The following ADGRL3 variants were observed in gnomAD, a reference collection of about 807,000 sequenced individuals.
The protein encoded by ADGRL3 is calcium-independent alpha-latrotoxin receptor 3.
Under a neutral mutation model 153.5 loss-of-function variants are expected in ADGRL3, and 62 were observed. The observed-to-expected ratio is 0.40, with a 90% CI of 0.33 to 0.50. ADGRL3 has a LOEUF of 0.50. Among genes scored for constraint, ADGRL3 ranks in the 20% least tolerant of loss-of-function variants. The probability of loss-of-function intolerance (pLI) is 0.47; values close to 1 mark genes in which losing one functional copy is unlikely to be tolerated. For missense variants in ADGRL3, 1,641 were observed against 1,859.4 expected (o/e 0.88, Z 2.16); for synonymous variants, 710 against 672.5 (o/e 1.06, Z -0.86).
chr4:61,365,709 A>G (rs563838230), intron 1 of ADGRL3, among the ~76,000 whole-genome samples: 207 of 152,370 alleles, frequency 1.4e-3, no homozygotes, highest in Non-Finnish European at 2.6e-3. Context: ...TGCCTAAAGC[A>G]TATAGCACTG....
chr4:61,665,727 G>A (rs2094770687), intron 5 of ADGRL3, among the ~76,000 whole-genome samples: 1 of 152,188 alleles, frequency 6.6e-6, no homozygotes, highest in East Asian at 1.9e-4. Flanking sequence ...GAATAGAAAT[G>A]CCATCACATT....
intron 21 of ADGRL3, among the ~76,000 whole-genome samples, chr4:62,020,982 A>G (rs760913629): frequency 5.3e-5 from 8 of 152,126 alleles, no homozygotes; most frequent in Non-Finnish European, 7.4e-5. Flanking sequence ...GCTACTTTAT[A>G]TAAACTGAGG....
intron 4 of ADGRL3, among the ~76,000 whole-genome samples, chr4:61,526,557 C>T (rs865824940): frequency 2.6e-5 from 4 of 151,916 alleles, no homozygotes; most frequent in Non-Finnish European, 5.9e-5. Context: ...AAGGGAAGAA[C>T]ACTTGAGGCC....
chr4:61,379,712 A>G (rs772005356), intron 1 of ADGRL3, among the ~76,000 whole-genome samples: 1 of 151,996 alleles, frequency 6.6e-6, no homozygotes, highest in Non-Finnish European at 1.5e-5. Flanking sequence ...AAAATAACAT[A>G]TTTTCCATCT....
chr4:61,362,717 G>A (rs533839930), intron 1 of ADGRL3, among the ~76,000 whole-genome samples: 1 of 152,072 alleles, frequency 6.6e-6, no homozygotes, highest in Non-Finnish European at 1.5e-5. Flanking sequence ...GAGTAGGGCT[G>A]TTCTTACTGT....
chr4:61,774,732 CTATTT>C (rs1322543164), intron 8 of ADGRL3, among the ~76,000 whole-genome samples: 1 of 151,980 alleles, frequency 6.6e-6, no homozygotes, highest in African/African-American at 2.4e-5. Flanking sequence ...TATAATTGTT[CTATTT>C]TATTATAAAT....
intron 3 of ADGRL3, among the ~76,000 whole-genome samples, chr4:61,504,141 C>T (rs543747592): frequency 6.6e-5 from 10 of 152,148 alleles, no homozygotes; most frequent in African/African-American, 1.9e-4. Context: ...CACAGGCATG[C>T]GCCACCACAC....
intron 2 of ADGRL3, among the ~76,000 whole-genome samples, chr4:61,406,382 G>A (rs775844626): frequency 1.2e-4 from 18 of 151,848 alleles, no homozygotes; most frequent in South Asian, 2.1e-4. Flanking sequence ...CATAATTAAT[G>A]AGGGAGTACA....
Position 61,956,317 on chromosome 4 carries a change from G to A in ADGRL3, c.2805+8041G>A, listed in dbSNP as rs2221790. Among the ~76,000 whole-genome samples the A allele has an allele frequency of 3.9e-5, 6 of 151,922 alleles. No homozygotes were observed. The East Asian group carries it at 1.2e-3, about 29-fold the overall frequency. On this transcript the variant is annotated intron_variant, in intron 17 of 26. Coordinates refer to ENST00000683033, the MANE Select transcript of ADGRL3 (RefSeq NM_001387552.1). ...ATGTTGAACTTTTTTTCCTATGTTT[G>A]TTGGCTGCGTAAATGTCGTCTTTGG...
chr4:61,738,142 T>C (rs753749005), intron 8 of ADGRL3, among the ~76,000 whole-genome samples: 7 of 152,138 alleles, frequency 4.6e-5, no homozygotes, highest in Non-Finnish European at 8.8e-5. Context: ...TGCATCCTCA[T>C]AGCTTAGCTC....
At chr4:61,498,682 C>A (rs1222816661) in intron 3 of ADGRL3, among the ~76,000 whole-genome samples, 1 of 152,096 alleles carries the variant, frequency 6.6e-6, no homozygotes, top group African/African-American at 2.4e-5. Context: ...TTCATTTAGA[C>A]ATCTTTGTAT....
chr4:61,448,705 AAAGAAAGAAGGAAGGAAG>A (rs2097621431), intron 2 of ADGRL3, among the ~76,000 whole-genome samples: 1 of 20,624 alleles, frequency 4.8e-5, no homozygotes, highest in African/African-American at 7.3e-5. Flanking sequence ...GGAACGAAGG[AAAGAAAGAAGGAAGGAAG>A]GAGAGAGGGA....
intron 8 of ADGRL3, among the ~76,000 whole-genome samples, chr4:61,737,883 A>G (rs1192970106): frequency 6.6e-6 from 1 of 152,046 alleles, no homozygotes; most frequent in African/African-American, 2.4e-5. Context: ...ATTTGTTTTT[A>G]TAAGGGTCTT....
chr4:61,373,096 G>T (rs1413799203), intron 1 of ADGRL3, among the ~76,000 whole-genome samples: 1 of 152,138 alleles, frequency 6.6e-6, no homozygotes, highest in African/African-American at 2.4e-5. Flanking sequence ...CTCGTGCAGG[G>T]TGCGCACACT....
At chr4:61,475,737 A>G (rs1475487925) in intron 2 of ADGRL3, among the ~76,000 whole-genome samples, 1 of 152,190 alleles carries the variant, frequency 6.6e-6, no homozygotes. Context: ...CAATTCAAAA[A>G]TATTAAATCA....
At chr4:61,327,222 T>C (rs988670149) in intron 1 of ADGRL3, among the ~76,000 whole-genome samples, 6 of 151,990 alleles carry the variant, frequency 3.9e-5, no homozygotes, top group Admixed American at 2.0e-4. Context: ...AAATGTATTC[T>C]TAGAGCTTCC....
At chr4:61,398,395 A>T (rs994573487) in intron 2 of ADGRL3, among the ~76,000 whole-genome samples, 1 of 150,542 alleles carries the variant, frequency 6.6e-6, no homozygotes, top group Admixed American at 6.7e-5. Flanking sequence ...TCCAACCTGA[A>T]GATTGATTAT....
At chr4:61,339,741 C>T (rs2095764526) in intron 1 of ADGRL3, among the ~76,000 whole-genome samples, 3 of 152,118 alleles carry the variant, frequency 2.0e-5, no homozygotes, top group African/African-American at 7.2e-5. Flanking sequence ...TTGTCTTGCC[C>T]TTTGTACATT....
intron 2 of ADGRL3, among the ~76,000 whole-genome samples, chr4:61,387,904 A>G (rs1291827858): frequency 6.6e-6 from 1 of 152,186 alleles, no homozygotes; most frequent in Non-Finnish European, 1.5e-5. Flanking sequence ...AATCTTCACA[A>G]CTTATGTTTA....
Sources: allele counts gnomAD v4.1 joint callset (sites outside exome capture counted in the v4.1 genomes callset), GRCh38; gene constraint gnomAD v4.1.1; transcripts MANE v1.5; gene names NCBI Gene and HGNC (gene_info 2026-07-23, HGNC 2026-07-21).